FER: variants seen among roughly 807,000 people sequenced by gnomAD.
FER encodes tyrosine-protein kinase Fer.
In FER, 63 loss-of-function variants were observed where a neutral mutation model predicts 111.0. The observed-to-expected ratio is 0.57, with a 90% CI of 0.46 to 0.70. The LOEUF is 0.70. Ranked by LOEUF, FER falls within the 30% of genes least tolerant of loss-of-function variation. FER has a pLI of 0.00. For missense variants in FER, 914 were observed against 954.0 expected (o/e 0.96, Z 0.55); for synonymous variants, 327 against 313.9 (o/e 1.04, Z -0.44).
chr5:109,142,743 A>C (rs1339742308), intron 17 of FER, among the ~76,000 whole-genome samples: 1 of 151,714 alleles, frequency 6.6e-6, no homozygotes, highest in Non-Finnish European at 1.5e-5. Flanking sequence ...AGAAAAAAAG[A>C]CATAGAAATA....
chr5:109,067,206 G>A lies in FER; in HGVS notation c.1924+20008G>A, dbSNP rs551770071. 2.6e-5 allele frequency among the ~76,000 whole-genome samples: 4 copies of A among 151,974 alleles called. No homozygotes were observed. In the South Asian group the frequency reaches 6.2e-4, roughly 24 times the overall value. The stretch of plus-strand genomic sequence containing the variant: ...TTATTTGCCATACAGTCAGTCGTGT[G>A]TTAGGGAGTGGAGTGACTGGTTTGT... On this transcript the variant is annotated intron_variant, in intron 16 of 19. Coordinates refer to ENST00000281092, the MANE Select transcript of FER (RefSeq NM_005246.4).
chr5:109,076,919 G>A (rs999136514), intron 16 of FER, among the ~76,000 whole-genome samples: 6 of 152,098 alleles, frequency 3.9e-5, no homozygotes, highest in South Asian at 2.1e-4. Context: ...TTTTCATGCC[G>A]TCATTATGGA....
chr5:109,147,046 G>C (rs1043599080), intron 17 of FER, among the ~76,000 whole-genome samples: 1 of 151,734 alleles, frequency 6.6e-6, no homozygotes, highest in African/African-American at 2.4e-5. Context: ...CATTCATAGA[G>C]ATTATAAATA....
At chr5:109,060,640 C>G (rs187516305) in intron 16 of FER, among the ~76,000 whole-genome samples, 3 of 152,064 alleles carry the variant, frequency 2.0e-5, no homozygotes, top group African/African-American at 7.2e-5. Flanking sequence ...GCTGAGATTG[C>G]ATCACTGCAC....
chr5:109,161,317 T>G (rs1755968568), intron 17 of FER, among the ~76,000 whole-genome samples: 1 of 152,094 alleles, frequency 6.6e-6, no homozygotes, highest in African/African-American at 2.4e-5. Flanking sequence ...ATTGGTAAAC[T>G]TGTGTCATGG....
chr5:108,803,821 CT>C (rs1301664685), intron 3 of FER, among the ~76,000 whole-genome samples: 1 of 151,970 alleles, frequency 6.6e-6, no homozygotes, highest in Non-Finnish European at 1.5e-5. Context: ...ATTTGGGCGA[CT>C]TTTTGGTTGC....
intron 13 of FER, among the ~76,000 whole-genome samples, chr5:108,965,987 C>A (rs184657273): frequency 1.6e-4 from 24 of 152,070 alleles, no homozygotes; most frequent in African/African-American, 5.8e-4. Context: ...TTAATAACAC[C>A]CAGACTGATT....
In FER at chr5:108,749,592, C is replaced by G. The variant is rs566688375; in HGVS notation, c.-206+1592C>G. On this transcript the variant is annotated intron_variant, in intron 1 of 19. Coordinates refer to ENST00000281092, the MANE Select transcript of FER (RefSeq NM_005246.4). ...TTGACCCGCTCGGTCCTCCCCAGCT[C>G]TCCTCCTATCTGTCACCTTCTCCCG... Among the ~76,000 whole-genome samples, 318 of 152,322 alleles carry G rather than the reference C, an allele frequency of 2.1e-3. 3 individuals are homozygous for G. Among genetic ancestry groups the G allele is most frequent in the African/African-American group, 7.0e-3 (293 of 41,574 alleles).
rs1178206742 is a variant in FER, at chr5:108,844,996, GTATATATATATATATATATATA to G, written c.481+9212_481+9233del. Among the ~76,000 whole-genome samples, 24 of 29,292 alleles carry G rather than the reference GTATATATATATATATATATATA, an allele frequency of 8.2e-4. No individual in the cohort carries two copies. In the South Asian group the frequency reaches 0.012, roughly 15 times the overall value. 19.2% of individuals were successfully genotyped at this position (29,292 alleles called of 152,430 possible). ...TTGTTCATTGCTGGTGTGTGTGTGT[GTATATATATATATATATATATA>G]TATATATATATATATATATATACAT... On this transcript the variant is annotated intron_variant, in intron 5 of 19. Transcript: ENST00000281092.
intron 13 of FER, among the ~76,000 whole-genome samples, chr5:109,025,597 T>C (rs550843950): frequency 6.6e-6 from 1 of 150,764 alleles, no homozygotes; most frequent in African/African-American, 2.4e-5. Context: ...CTTTTCCTAA[T>C]TGAATACCCT....
At chr5:108,992,083 C>A (rs141090168) in intron 13 of FER, among the ~76,000 whole-genome samples, 2 of 151,816 alleles carry the variant, frequency 1.3e-5, no homozygotes, top group Non-Finnish European at 2.9e-5. Flanking sequence ...TGACTCTTAA[C>A]GAGCATGCTG....
At chr5:108,841,507 G>A (rs1290227707) in intron 5 of FER, among the ~76,000 whole-genome samples, 1 of 152,142 alleles carries the variant, frequency 6.6e-6, no homozygotes, top group Admixed American at 6.5e-5. Flanking sequence ...AGGAGACATC[G>A]AGAGGTTTGT....
At chr5:108,905,961 T>A (rs1750700411) in intron 10 of FER, among the ~76,000 whole-genome samples, 2 of 152,198 alleles carry the variant, frequency 1.3e-5, no homozygotes, top group Admixed American at 6.5e-5. Flanking sequence ...TAATGACTAA[T>A]GAGTGGTTGT....
Position 108,847,435 on chromosome 5 carries a change from G to A in FER, c.481+11628G>A, listed in dbSNP as rs115611396. ...AGTTTATTATGGCCAGTAAATGTCT[G>A]TTTTGGTAAATGCTTTATGTGCACT... On this transcript the variant is annotated intron_variant, in intron 5 of 19. Transcript: ENST00000281092. Among the ~76,000 whole-genome samples the A allele has an allele frequency of 4.4e-3, 668 of 152,098 alleles. 6 individuals are homozygous for A. The highest frequency in any genetic ancestry group is 0.016 in the African/African-American group (652 of 41,514).
chr5:109,176,887 A>G (rs190782156), intron 17 of FER, among the ~76,000 whole-genome samples: 3 of 152,368 alleles, frequency 2.0e-5, no homozygotes, highest in Admixed American at 1.3e-4. Flanking sequence ...TCTGAAGGAC[A>G]TCAAATGATA....
intron 3 of FER, among the ~76,000 whole-genome samples, chr5:108,829,522 A>G (rs1040021369): frequency 7.9e-5 from 12 of 152,128 alleles, no homozygotes; most frequent in Non-Finnish European, 1.8e-4. Flanking sequence ...GCCTGTAGTC[A>G]CAGCTCCTTG....
At chr5:109,053,966 C>T (rs1773278789) in intron 16 of FER, among the ~76,000 whole-genome samples, 1 of 152,070 alleles carries the variant, frequency 6.6e-6, no homozygotes, top group South Asian at 2.1e-4. Context: ...GCTAGGATTA[C>T]AGACGTGAGC....
At chr5:108,771,501 G>A in intron 2 of FER, among the ~76,000 whole-genome samples, 1 of 152,170 alleles carries the variant, frequency 6.6e-6, no homozygotes, top group East Asian at 1.9e-4. Context: ...TCTGTGACCT[G>A]CCCAAGATCA....
chr5:109,183,738 C>T (rs7706494), intron 18 of FER, among the ~76,000 whole-genome samples: 1 of 152,070 alleles, frequency 6.6e-6, no homozygotes, highest in African/African-American at 2.4e-5. Context: ...ACATGCCAGC[C>T]TGGGCAACAC....
Sources: allele counts gnomAD v4.1 joint callset (sites outside exome capture counted in the v4.1 genomes callset), GRCh38; gene constraint gnomAD v4.1.1; transcripts MANE v1.5; gene names NCBI Gene and HGNC (gene_info 2026-07-23, HGNC 2026-07-21).